Variants in SDK1 observed in about 807,000 individuals in gnomAD.
SDK1 encodes sidekick cell adhesion molecule 1.
In SDK1, 157 loss-of-function variants were observed where a neutral mutation model predicts 245.5. The observed-to-expected ratio is 0.64, with a 90% CI of 0.56 to 0.73. SDK1 has a LOEUF of 0.73. Among genes scored for constraint, SDK1 ranks in the 30% least tolerant of loss-of-function variants. The probability of loss-of-function intolerance (pLI) is 0.00; values close to 1 mark genes in which losing one functional copy is unlikely to be tolerated. For synonymous variants in SDK1, 1,647 were observed against 1,278.5 expected, an observed-to-expected ratio of 1.29 and a Z score of -6.15; for missense variants, 3,583 against 3,002.3, an observed-to-expected ratio of 1.19 and a Z score of -4.52.
Position 4,265,121 on chromosome 7 carries a change from C to T in SDK1, c.6382-3C>T. On this transcript the variant is annotated splice_region_variant and splice_polypyrimidine_tract_variant and intron_variant, in intron 44 of 44. Transcript: ENST00000404826. ...CTCACACCTTCTCTCCCGCTCCCCG[C>T]AGGCCACGGACTCTGACTACGAGGA... is the stretch of plus-strand genomic sequence containing the variant. The T allele has an allele frequency of 6.2e-7, 1 of 1,610,584 alleles. No homozygotes were observed. The highest frequency in any genetic ancestry group is 8.5e-7 in the Non-Finnish European group (1 of 1,179,360).
At chr7:3,668,759 C>G (rs533195824) in intron 4 of SDK1, among the ~76,000 whole-genome samples, 1 of 152,352 alleles carries the variant, frequency 6.6e-6, no homozygotes, top group African/African-American at 2.4e-5. Flanking sequence ...CCATTGCACT[C>G]CAGCCTGAGT....
chr7:3,913,272 G>A (rs954377539), intron 5 of SDK1, among the ~76,000 whole-genome samples: 1 of 150,986 alleles, frequency 6.6e-6, no homozygotes, highest in Non-Finnish European at 1.5e-5. Context: ...CCCCTCCTCT[G>A]ACCTTTCTCT....
chr7:3,986,885 T>C (rs1422146067), intron 13 of SDK1, among the ~76,000 whole-genome samples: 1 of 152,066 alleles, frequency 6.6e-6, no homozygotes, highest in Non-Finnish European at 1.5e-5. Flanking sequence ...TAATAATGTA[T>C]GTGTAAACGT....
chr7:3,320,147 G>A (rs1431204653), intron 1 of SDK1, among the ~76,000 whole-genome samples: 2 of 151,734 alleles, frequency 1.3e-5, no homozygotes, highest in Non-Finnish European at 2.9e-5. Flanking sequence ...TTTCACACAC[G>A]CACTCCCCTC....
chr7:3,955,615 C>A (rs1240775674), intron 7 of SDK1, among the ~76,000 whole-genome samples: 1 of 152,112 alleles, frequency 6.6e-6, no homozygotes, highest in Non-Finnish European at 1.5e-5. Context: ...ACATGCTGCT[C>A]CCTGAGAGGG....
Position 3,538,226 on chromosome 7 carries a change from A to G in SDK1, c.299-80854A>G, listed in dbSNP as rs561234642. ...TGGCCATTTGTTTGTCCCATTGCCA[A>G]CTGCGGCTTTGGGCCTCTTGGGTCA... On this transcript the variant is annotated intron_variant, in intron 1 of 44. Coordinates refer to ENST00000404826, the MANE Select transcript of SDK1 (RefSeq NM_152744.4). Among the ~76,000 whole-genome samples the G allele has an allele frequency of 7.0e-4, 107 of 152,260 alleles. 2 individuals are homozygous for G. In the South Asian group the frequency reaches 0.02, roughly 28 times the overall value.
chr7:4,060,855 C>T (rs1482258123), intron 19 of SDK1, among the ~76,000 whole-genome samples: 8 of 152,002 alleles, frequency 5.3e-5, no homozygotes, highest in African/African-American at 1.7e-4. Flanking sequence ...CAGCTTTCTA[C>T]ATATGGCTAG....
chr7:3,508,132 C>T (rs1045862207), intron 1 of SDK1, among the ~76,000 whole-genome samples: 1 of 152,122 alleles, frequency 6.6e-6, no homozygotes, highest in Non-Finnish European at 1.5e-5. Context: ...TGTTGTTCTA[C>T]AAACTGTTGC....
chr7:3,624,811 C>T (rs978934346), intron 2 of SDK1, among the ~76,000 whole-genome samples: 3 of 151,852 alleles, frequency 2.0e-5, no homozygotes, highest in Admixed American at 6.6e-5. Flanking sequence ...TTTGGGAGGC[C>T]GAGGGAGGCG....
At chr7:3,949,748 A>AT (rs1160653791) in intron 5 of SDK1, among the ~76,000 whole-genome samples, 1 of 151,996 alleles carries the variant, frequency 6.6e-6, no homozygotes, top group African/African-American at 2.4e-5. Context: ...AATATGTCCT[A>AT]TTTTTTTCTC....
chr7:4,136,323 A>G (rs1427066013), intron 28 of SDK1, among the ~76,000 whole-genome samples: 1 of 152,184 alleles, frequency 6.6e-6, no homozygotes, highest in Non-Finnish European at 1.5e-5. Context: ...GCAAATTCAG[A>G]TGGGTGTTCA....
intron 17 of SDK1, among the ~76,000 whole-genome samples, chr7:4,017,837 A>G (rs1323892634): frequency 6.6e-6 from 1 of 152,204 alleles, no homozygotes; most frequent in Non-Finnish European, 1.5e-5. Context: ...CAAGCAAACA[A>G]TCTACTAGGT....
intron 17 of SDK1, among the ~76,000 whole-genome samples, chr7:4,018,047 A>G (rs527542646): frequency 2.0e-5 from 3 of 152,234 alleles, no homozygotes; most frequent in Admixed American, 6.5e-5. Flanking sequence ...CCACATCTGC[A>G]TTTCACTGTT....
chr7:3,507,521 A>G (rs1782430955), intron 1 of SDK1, among the ~76,000 whole-genome samples: 1 of 152,172 alleles, frequency 6.6e-6, no homozygotes, highest in African/African-American at 2.4e-5. Context: ...TGACTGCAGG[A>G]AGGACTGATC....
intron 4 of SDK1, among the ~76,000 whole-genome samples, chr7:3,800,394 T>C (rs1338699492): frequency 6.6e-6 from 1 of 151,692 alleles, no homozygotes; most frequent in African/African-American, 2.4e-5. Flanking sequence ...TATTTATTTA[T>C]TTATTGAGAC....
At chr7:3,862,712 A>G (rs1311828340) in intron 5 of SDK1, among the ~76,000 whole-genome samples, 1 of 152,134 alleles carries the variant, frequency 6.6e-6, no homozygotes, top group Non-Finnish European at 1.5e-5. Context: ...TTGAGTTACT[A>G]GTGGTTTATT....
At chr7:3,756,583 T>C (rs1294062778) in intron 4 of SDK1, among the ~76,000 whole-genome samples, 1 of 152,116 alleles carries the variant, frequency 6.6e-6, no homozygotes, top group East Asian at 1.9e-4. Context: ...AATGCTCAAC[T>C]TTATATTTCA....
rs181097244 is a variant in SDK1 at position 3,692,380 on chromosome 7, C to A, written c.713+50275C>A. ...GTGTGTCTGTGTGTGTGCACCTGTGCCCATGTGTATTTAGAATTTGGGATC... is the reference window on the plus strand; with the variant it reads ...GTGTGTCTGTGTGTGTGCACCTGTGACCATGTGTATTTAGAATTTGGGATC... On this transcript the variant is annotated intron_variant, in intron 4 of 44. Transcript: ENST00000404826. Among the ~76,000 whole-genome samples the A allele has an allele frequency of 2.6e-3, 391 of 152,068 alleles. 1 individual carries two copies. Among genetic ancestry groups the A allele is most frequent in the African/African-American group, 9.2e-3 (380 of 41,482 alleles).
chr7:3,392,925 T>C (rs367633217), intron 1 of SDK1, among the ~76,000 whole-genome samples: 137 of 151,550 alleles, frequency 9.0e-4, no homozygotes, highest in African/African-American at 3.0e-3. Flanking sequence ...ATGATGAACA[T>C]TGGCTTACAG....
Sources: allele counts gnomAD v4.1 joint callset (sites outside exome capture counted in the v4.1 genomes callset), GRCh38; gene constraint gnomAD v4.1.1; transcripts MANE v1.5; gene names NCBI Gene and HGNC (gene_info 2026-07-23, HGNC 2026-07-21).